KCNT2: variants seen among roughly 807,000 people sequenced by gnomAD.
The protein encoded by KCNT2 is potassium sodium-activated channel subfamily T member 2.
A neutral mutation model predicts 153.8 loss-of-function variants in KCNT2; 67 were observed. That is an observed-to-expected ratio of 0.44 (90% CI 0.36 to 0.53). KCNT2 has a LOEUF of 0.53. Among genes scored for constraint, KCNT2 ranks in the 20% least tolerant of loss-of-function variants. The probability of loss-of-function intolerance (pLI) is 0.00; values close to 1 mark genes in which losing one functional copy is unlikely to be tolerated. For missense variants in KCNT2, 975 were observed against 1,354.8 expected (o/e 0.72, Z 4.40); for synonymous variants, 500 against 458.8 (o/e 1.09, Z -1.15).
intron 1 of KCNT2, among the ~76,000 whole-genome samples, chr1:196,585,424 T>A (rs1030626333): frequency 2.6e-5 from 4 of 152,096 alleles, no homozygotes; most frequent in African/African-American, 9.7e-5. Flanking sequence ...ACACATATAT[T>A]TAATTTATAT....
chr1:196,501,057 G>A (rs1680658523), intron 1 of KCNT2, among the ~76,000 whole-genome samples: 1 of 152,118 alleles, frequency 6.6e-6, no homozygotes, highest in South Asian at 2.1e-4. Context: ...AACAACAGAT[G>A]TTGGAAAGTT....
intron 1 of KCNT2, among the ~76,000 whole-genome samples, chr1:196,526,747 G>A (rs1040773157): frequency 2.6e-5 from 4 of 152,040 alleles, no homozygotes; most frequent in Non-Finnish European, 5.9e-5. Flanking sequence ...CACTGCGCCC[G>A]GCCACTATGT....
chr1:196,315,768 A>G, intron 21 of KCNT2, 124 bp downstream of exon 21: 1 of 849,282 alleles, frequency 1.2e-6, no homozygotes, highest in Non-Finnish European at 1.7e-6. Context: ...ACTTTATGAA[A>G]AAAATGAATA....
intron 8 of KCNT2, among the ~76,000 whole-genome samples, chr1:196,452,119 C>T (rs1398368791): frequency 6.6e-6 from 1 of 151,914 alleles, no homozygotes; most frequent in African/African-American, 2.4e-5. Context: ...TATAAAGATG[C>T]TTGTATGACC....
chr1:196,519,420 G>A (rs1312857676), intron 1 of KCNT2, among the ~76,000 whole-genome samples: 1 of 152,018 alleles, frequency 6.6e-6, no homozygotes, highest in African/African-American at 2.4e-5. Context: ...CCCAAAGCTA[G>A]CAGAAGACAA....
rs771246934 is a variant in KCNT2 at position 196,227,655 on chromosome 1, G to A, written c.*569C>T. 9 of 152,092 alleles carry A rather than the reference G, an allele frequency of 5.9e-5. No homozygotes were observed. The highest frequency in any genetic ancestry group is 1.0e-4 in the Non-Finnish European group (7 of 67,876). 9.4% of individuals were successfully genotyped at this position (152,092 alleles called of 1,614,324 possible). ...ATTCTAAGATAAATATTTTTATATC[G>A]TAAGGCAGAAAAAAAAGTTAAAATG... is the stretch of plus-strand genomic sequence containing the variant. On this transcript the variant is annotated 3_prime_UTR_variant, in exon 28 of 28. Transcript: ENST00000294725.
In KCNT2 at chr1:196,538,620, T is replaced by C. The variant is rs538871167; in HGVS notation, c.96-46279A>G. 2.0e-5 allele frequency among the ~76,000 whole-genome samples: 3 copies of C among 152,242 alleles called. No individual in the cohort carries two copies. The South Asian group carries it at 6.2e-4, about 32-fold the overall frequency. ...ATCACCTAATGCGCCTAACGTGGTG[T>C]GGTTATATAATGTGCCTCATGTAGC... is the stretch of plus-strand genomic sequence containing the variant. On this transcript the variant is annotated intron_variant, in intron 1 of 27. Coordinates refer to ENST00000294725, the MANE Select transcript of KCNT2 (RefSeq NM_198503.5).
At chr1:196,276,690 T>C (rs1295323701) in intron 25 of KCNT2, among the ~76,000 whole-genome samples, 2 of 152,072 alleles carry the variant, frequency 1.3e-5, no homozygotes, top group African/African-American at 4.8e-5. Context: ...TTTTGGAGAA[T>C]ATATATATTT....
rs1252861288 is a variant in KCNT2 at position 196,405,076 on chromosome 1, A to G, written c.1186-6405T>C. Among the ~76,000 whole-genome samples, 7 of 151,612 alleles carry G rather than the reference A, an allele frequency of 4.6e-5. No homozygotes were observed. The Admixed American group carries it at 4.6e-4, about 10-fold the overall frequency. ...GAGGAAAAAGGAAAAGAGCTGTATA[A>G]CATGGCATAAATATCATATGAGAAA... On this transcript the variant is annotated intron_variant, in intron 12 of 27. Transcript: ENST00000294725.
intron 8 of KCNT2, among the ~76,000 whole-genome samples, chr1:196,450,247 G>A (rs1415782866): frequency 6.6e-6 from 1 of 151,674 alleles, no homozygotes; most frequent in African/African-American, 2.4e-5. Flanking sequence ...CCCGGTAAAG[G>A]TTTTTGTTTT....
At chr1:196,529,528 C>T (rs1654673268) in intron 1 of KCNT2, among the ~76,000 whole-genome samples, 1 of 152,074 alleles carries the variant, frequency 6.6e-6, no homozygotes, top group Non-Finnish European at 1.5e-5. Flanking sequence ...TTATTTACAG[C>T]CACAAACTCC....
In KCNT2 at chr1:196,264,239, A is replaced by G. The variant is rs1571842129; in HGVS notation, c.2911-5745T>C. ...AACCACTTGATGACTGCCTGCTCTT[A>G]GAACTTAAATAATGTATCTGAGTTA... is the stretch of plus-strand genomic sequence containing the variant. On this transcript the variant is annotated intron_variant, in intron 25 of 27. Coordinates refer to ENST00000294725, the MANE Select transcript of KCNT2 (RefSeq NM_198503.5). 2.0e-5 allele frequency among the ~76,000 whole-genome samples: 3 copies of G among 152,290 alleles called. No homozygotes were observed. The East Asian group carries it at 5.8e-4, about 29-fold the overall frequency.
intron 1 of KCNT2, among the ~76,000 whole-genome samples, chr1:196,517,259 C>A (rs1652708840): frequency 6.6e-6 from 1 of 152,130 alleles, no homozygotes; most frequent in African/African-American, 2.4e-5. Flanking sequence ...ATGCTGCCCC[C>A]ACTTTACCAC....
At chr1:196,524,736 T>C (rs1653949879) in intron 1 of KCNT2, among the ~76,000 whole-genome samples, 1 of 152,198 alleles carries the variant, frequency 6.6e-6, no homozygotes, top group Admixed American at 6.5e-5. Context: ...AGTGGTGTTA[T>C]TAAATGTAAT....
Position 196,522,973 on chromosome 1 carries a change from C to A in KCNT2, c.96-30632G>T, listed in dbSNP as rs941618972. On this transcript the variant is annotated intron_variant, in intron 1 of 27. Coordinates refer to ENST00000294725, the MANE Select transcript of KCNT2 (RefSeq NM_198503.5). ...CTGGCCACCCAAGCCAGTGTGGCAA[C>A]CCACTTGGGTCCCCTTCCATGCTGT... 3.3e-5 allele frequency among the ~76,000 whole-genome samples: 5 copies of A among 152,180 alleles called. No homozygotes were observed. In the East Asian group the frequency reaches 9.6e-4, roughly 29 times the overall value.
At chr1:196,505,182 T>A (rs1055546694) in intron 1 of KCNT2, among the ~76,000 whole-genome samples, 1 of 152,156 alleles carries the variant, frequency 6.6e-6, no homozygotes, top group Non-Finnish European at 1.5e-5. Flanking sequence ...TGAATGGTAA[T>A]GCCTAGGTTT....
intron 1 of KCNT2, among the ~76,000 whole-genome samples, chr1:196,556,031 C>A (rs1286405245): frequency 2.0e-5 from 3 of 151,396 alleles, no homozygotes; most frequent in African/African-American, 7.3e-5. Context: ...AAATCTAAGA[C>A]CTCAAGCTGT....
intron 14 of KCNT2, among the ~76,000 whole-genome samples, chr1:196,348,391 T>A (rs1046633867): frequency 6.6e-6 from 1 of 152,140 alleles, no homozygotes; most frequent in African/African-American, 2.4e-5. Context: ...AGATTTAAGA[T>A]GTGTTTACAG....
chr1:196,559,966 A>G (rs1254966036), intron 1 of KCNT2, among the ~76,000 whole-genome samples: 1 of 151,854 alleles, frequency 6.6e-6, no homozygotes, highest in Non-Finnish European at 1.5e-5. Flanking sequence ...TCTTATTTGT[A>G]ATCTTAGGAA....
Sources: gnomAD v4.1 joint callset for allele counts (sites outside exome capture counted in the v4.1 genomes callset) on GRCh38, gnomAD v4.1.1 for gene constraint, MANE v1.5 for transcripts, NCBI Gene and HGNC (gene_info 2026-07-23, HGNC 2026-07-21) for gene names.